RMI1: variants seen among roughly 807,000 people sequenced by gnomAD.
RMI1 encodes RecQ mediated genome instability 1.
Under a neutral mutation model 46.7 loss-of-function variants are expected in RMI1, and 36 were observed. That is an observed-to-expected ratio of 0.77 (90% CI 0.59 to 1.02). The LOEUF is 1.02. RMI1 is among the 50% of genes least tolerant of loss of function. RMI1 has a pLI of 0.00. For missense variants in RMI1, 676 were observed against 713.7 expected (o/e 0.95, Z 0.60); for synonymous variants, 250 against 252.9 (o/e 0.99, Z 0.11).
At chr9:83,993,195 C>A (rs925470631) in intron 1 of RMI1, among the ~76,000 whole-genome samples, 1 of 152,174 alleles carries the variant, frequency 6.6e-6, no homozygotes, top group Non-Finnish European at 1.5e-5. Context: ...ATTCTACTTT[C>A]CATTTCTGTG....
In RMI1 at chr9:84,001,078, T is replaced by G. The variant is rs1211529479; in HGVS notation, c.92T>G (p.Ile31Ser). ...CCTCCGATGTGGCTGGAAGCTTGTA[T>G]TAACTGGATTCAAGAAGAAAATAAT... The part of the protein sequence containing the change: ...KVPPMWLEAC[I>S]NWIQEENNNV... Residue 31 changes from isoleucine (I) to serine (S), a missense_variant, in exon 3 of 3, where the codon ATT (isoleucine) becomes AGT (serine). Physicochemically the swap from Ile to Ser is moderately radical, Grantham distance 142. Coordinates refer to ENST00000445877, the MANE Select transcript of RMI1 (RefSeq NM_001358291.2). The G allele has an allele frequency of 6.2e-7, 1 of 1,614,104 alleles. No homozygotes were observed. The highest frequency in any genetic ancestry group is 1.7e-5 in the Admixed American group (1 of 60,016).
rs1204341759 is a variant in RMI1, at chr9:83,987,796, G to A, written c.-126+6905G>A. Among the ~76,000 whole-genome samples the A allele has an allele frequency of 3.9e-5, 6 of 152,106 alleles. No homozygotes were observed. The South Asian group carries it at 1.2e-3, about 32-fold the overall frequency. On this transcript the variant is annotated intron_variant, in intron 1 of 2. Coordinates refer to ENST00000445877, the MANE Select transcript of RMI1 (RefSeq NM_001358291.2). ...TTGACATTCATGCATATTATTCCTTGTGTCCATAATTTATTTTTATTATTA... is the reference window on the plus strand; with the variant it reads ...TTGACATTCATGCATATTATTCCTTATGTCCATAATTTATTTTTATTATTA...
At chr9:83,998,860 G>T (rs1957697018) in intron 1 of RMI1, among the ~76,000 whole-genome samples, 1 of 152,154 alleles carries the variant, frequency 6.6e-6, no homozygotes, top group Non-Finnish European at 1.5e-5. Flanking sequence ...TAAAATAATG[G>T]CTGGGCGCGA....
Position 84,002,457 on chromosome 9 carries a change from T to C in RMI1, c.1471T>C (p.Phe491Leu). Residue 491 changes from phenylalanine (F) to leucine (L), a missense_variant, in exon 3 of 3, where the codon TTT (phenylalanine) becomes CTT (leucine). Transcript: ENST00000445877. ...SIAMDLYSPP[F>L]VYLSVLMASK... ...TGCCATGGATTTGTATTCTCCACCC[T>C]TTGTCTATTTGTCTGTTCTAATGGC... The C allele has an allele frequency of 6.2e-7, 1 of 1,613,938 alleles. No homozygotes were observed. The highest frequency in any genetic ancestry group is 8.5e-7 in the Non-Finnish European group (1 of 1,179,936).
In RMI1 at chr9:84,001,982, A is replaced by G; in HGVS notation, c.996A>G (p.Glu332=). 1 of 1,613,850 alleles carries G rather than the reference A, an allele frequency of 6.2e-7. No homozygotes were observed. Among genetic ancestry groups the G allele is most frequent in the South Asian group, 1.1e-5 (1 of 90,928 alleles). ...LEETVQKEQM[E]TKELQPLTFN... is the part of the protein sequence containing the mutation. The stretch of plus-strand genomic sequence containing the variant: ...AAACTGTCCAGAAAGAACAGATGGA[A>G]ACTAAGGAATTGCAACCATTGACTT... Residue 332 remains glutamate (E), a synonymous_variant, in exon 3 of 3, where the codon GAA becomes GAG. Coordinates refer to ENST00000445877, the MANE Select transcript of RMI1 (RefSeq NM_001358291.2).
intron 1 of RMI1, among the ~76,000 whole-genome samples, chr9:83,988,067 CAGAT>C (rs1032293586): frequency 8.6e-5 from 13 of 151,644 alleles, no homozygotes; most frequent in African/African-American, 2.9e-4. Flanking sequence ...TTTTTTGTAA[CAGAT>C]AGAGAGATAG....
At chr9:83,997,008 C>G (rs1379043832) in intron 1 of RMI1, among the ~76,000 whole-genome samples, 2 of 147,600 alleles carry the variant, frequency 1.4e-5, no homozygotes, top group African/African-American at 5.0e-5. Flanking sequence ...GGATGCAGGG[C>G]TCTGGGTGGT....
chr9:83,992,538 C>G (rs1289725211), intron 1 of RMI1, among the ~76,000 whole-genome samples: 3 of 151,846 alleles, frequency 2.0e-5, no homozygotes. Flanking sequence ...TGTATGAGAC[C>G]TGAACCAAAA....
chr9:83,981,194 C>G (rs1053144017), intron 1 of RMI1, among the ~76,000 whole-genome samples: 1 of 152,206 alleles, frequency 6.6e-6, no homozygotes, highest in Non-Finnish European at 1.5e-5. Flanking sequence ...GAACTTCTCG[C>G]CGAGAGGGCA....
In RMI1 at chr9:84,001,112, C is replaced by A. The variant is rs1255709651; in HGVS notation, c.126C>A (p.Asn42Lys). The A allele has an allele frequency of 1.2e-6, 2 of 1,614,084 alleles. No individual in the cohort carries two copies. Among genetic ancestry groups the A allele is most frequent in the Admixed American group, 1.7e-5 (1 of 60,008 alleles). Reference sequence around the variant, plus strand: ...TTCAAGAAGAAAATAATAATGTTAACTTGAGTCAGGCCCAAATGAATAAAC... The same window carrying A: ...TTCAAGAAGAAAATAATAATGTTAAATTGAGTCAGGCCCAAATGAATAAAC... The part of the protein sequence containing the change: ...NWIQEENNNV[N>K]LSQAQMNKQV... Residue 42 changes from asparagine to lysine, a missense_variant, in exon 3 of 3, where the codon AAC becomes AAA. Physicochemically the swap from Asn to Lys is moderately conservative, Grantham distance 94. Coordinates refer to ENST00000445877, the MANE Select transcript of RMI1 (RefSeq NM_001358291.2).
intron 1 of RMI1, among the ~76,000 whole-genome samples, chr9:83,981,805 A>G (rs1318308239): frequency 6.6e-6 from 1 of 152,220 alleles, no homozygotes; most frequent in Non-Finnish European, 1.5e-5. Flanking sequence ...CAAAACATAT[A>G]TACCAGCATT....
chr9:83,982,873 T>C (rs927102085), intron 1 of RMI1, among the ~76,000 whole-genome samples: 1 of 152,214 alleles, frequency 6.6e-6, no homozygotes, highest in African/African-American at 2.4e-5. Flanking sequence ...TTCTCCATCC[T>C]TTTATTCTCT....
At chr9:83,993,111 G>C (rs1202442269) in intron 1 of RMI1, 1 of 151,786 alleles carries the variant, frequency 6.6e-6, no homozygotes, top group Non-Finnish European at 1.5e-5. Context: ...TTGTGCAACA[G>C]TTATCTATAA....
At chr9:83,996,314 T>C (rs1273511355) in intron 1 of RMI1, among the ~76,000 whole-genome samples, 1 of 152,238 alleles carries the variant, frequency 6.6e-6, no homozygotes, top group African/African-American at 2.4e-5. Flanking sequence ...CATGTAGGTG[T>C]TGGGTGGAAC....
Position 84,002,470 on chromosome 9 carries a change from C to A in RMI1, c.1484C>A (p.Ser495Tyr), listed in dbSNP as rs144079234. The A allele has an allele frequency of 3.7e-6, 6 of 1,613,892 alleles. No individual in the cohort carries two copies. The African/African-American group carries it at 8.0e-5, about 22-fold the overall frequency. ...TATTCTCCACCCTTTGTCTATTTGT[C>A]TGTTCTAATGGCCAGCAAACCAAAG... is the stretch of plus-strand genomic sequence containing the variant. ...DLYSPPFVYL[S>Y]VLMASKPKEV... is the part of the protein sequence containing the mutation. The change falls in exon 3 of 3, where the codon TCT (serine) becomes TAT (tyrosine). Residue 495 changes from serine (S) to tyrosine (Y), a missense_variant. By Grantham distance (144) the Ser-to-Tyr change is moderately radical (BLOSUM62 -2). Coordinates refer to ENST00000445877, the MANE Select transcript of RMI1 (RefSeq NM_001358291.2).
Position 84,003,401 on chromosome 9 carries a change from T to G in RMI1, c.*537T>G, listed in dbSNP as rs1203040035. ...TTTGTTTTCCACTTGTCACGTCACA[T>G]AAGATGATTGCTAAAATATTGTACT... On this transcript the variant is annotated 3_prime_UTR_variant, in exon 3 of 3. Coordinates refer to ENST00000445877, the MANE Select transcript of RMI1 (RefSeq NM_001358291.2). 1 of 167,150 alleles carries G rather than the reference T, an allele frequency of 6.0e-6. No homozygotes were observed. Among genetic ancestry groups the G allele is most frequent in the Non-Finnish European group, 1.5e-5 (1 of 68,178 alleles). The allele number at this position is 167,150 out of a possible 1,614,324, so 10.4% of individuals were successfully genotyped here.
At chr9:83,987,219 C>A (rs1042669823) in intron 1 of RMI1, among the ~76,000 whole-genome samples, 1 of 152,100 alleles carries the variant, frequency 6.6e-6, no homozygotes, top group African/African-American at 2.4e-5. Flanking sequence ...CGTGCCACCA[C>A]GCCCAGCTAA....
In RMI1 at chr9:84,000,985, A is replaced by G. The variant is rs1588473321; in HGVS notation, c.-2A>G. ...GCATATTATTTCTTTTATTTAAAAG[A>G]AATGAATGTGACTAGTATTGCATTA... On this transcript the variant is annotated 5_prime_UTR_variant, in exon 3 of 3. Transcript: ENST00000445877. The G allele has an allele frequency of 6.4e-7, 1 of 1,568,114 alleles. No individual in the cohort carries two copies. Among genetic ancestry groups the G allele is most frequent in the Non-Finnish European group, 8.6e-7 (1 of 1,161,124 alleles).
intron 1 of RMI1, among the ~76,000 whole-genome samples, chr9:83,986,674 C>A (rs1293353784): frequency 6.6e-6 from 1 of 152,100 alleles, no homozygotes; most frequent in Non-Finnish European, 1.5e-5. Context: ...AATTTTAAGT[C>A]TTACAAAATA....
Sources: allele counts gnomAD v4.1 joint callset (sites outside exome capture counted in the v4.1 genomes callset), GRCh38; gene constraint gnomAD v4.1.1; transcripts MANE v1.5; gene names NCBI Gene and HGNC (gene_info 2026-07-23, HGNC 2026-07-21).